The following STON2 variants were observed in gnomAD, a reference collection of about 807,000 sequenced individuals.
STON2 encodes the protein stonin 2.
Under a neutral mutation model 65.7 loss-of-function variants are expected in STON2, and 29 were observed. That is an observed-to-expected ratio of 0.44 (90% CI 0.33 to 0.60). The LOEUF is 0.60. STON2 is among the 20% of genes least tolerant of loss of function. STON2 has a pLI of 0.03. For missense variants in STON2, 1,054 were observed against 1,118.1 expected (o/e 0.94, Z 0.82); for synonymous variants, 404 against 414.2 (o/e 0.98, Z 0.30).
intron 5 of STON2, among the ~76,000 whole-genome samples, chr14:81,282,013 G>T (rs1484479799): frequency 6.6e-6 from 1 of 152,154 alleles, no homozygotes; most frequent in Admixed American, 6.5e-5. Flanking sequence ...CTGAAATTGA[G>T]ATTTTGTTTT....
chr14:81,433,733 G>C (rs1009053894), intron 1 of STON2, among the ~76,000 whole-genome samples: 5 of 152,324 alleles, frequency 3.3e-5, no homozygotes, highest in Middle Eastern at 6.8e-3. Context: ...GTCCCAGAGA[G>C]AAGCTGTTTC....
At position 81,278,031 on chromosome 14, in the gene STON2, C is replaced by T; in HGVS notation, c.1451G>A (p.Gly484Glu). The change falls in exon 6 of 8, where the codon GGG becomes GAG. Residue 484 changes from glycine (G) to glutamate (E), a missense_variant. Transcript: ENST00000614646. ...PGSARSQPRD[G>E]WPMMLRIPEK... ...AGGGATCCTCAACATCATTGGCCAC[C>T]CGTCACGAGGCTGGGACCGTGCTGA... 1 of 1,614,150 alleles carries T rather than the reference C, an allele frequency of 6.2e-7. No individual in the cohort carries two copies. The highest frequency in any genetic ancestry group is 1.3e-5 in the African/African-American group (1 of 75,030).
chr14:81,301,496 G>T (rs1025704309), intron 5 of STON2, among the ~76,000 whole-genome samples: 1 of 152,188 alleles, frequency 6.6e-6, no homozygotes, highest in African/African-American at 2.4e-5. Flanking sequence ...TATATAAAAA[G>T]TGCTGTGTGA....
At chr14:81,370,534 C>T (rs1898936592) in intron 4 of STON2, among the ~76,000 whole-genome samples, 1 of 152,208 alleles carries the variant, frequency 6.6e-6, no homozygotes, top group Non-Finnish European at 1.5e-5. Context: ...GTAGTCTGGA[C>T]ACAGTGGCTG....
chr14:81,334,701 TGGC>T (rs978231260), intron 4 of STON2, among the ~76,000 whole-genome samples: 1 of 152,130 alleles, frequency 6.6e-6, no homozygotes, highest in African/African-American at 2.4e-5. Context: ...AGAAAACTAC[TGGC>T]AATCCCAAGG....
In STON2 at chr14:81,261,883, G is replaced by T; in HGVS notation, c.*6531C>A. ...GATCCTCTTTTTAAATCTGTGTGTG[G>T]AAGGCAACTGCAATATAGAGGATTT... On this transcript the variant is annotated 3_prime_UTR_variant, in exon 8 of 8. Coordinates refer to ENST00000614646, the MANE Select transcript of STON2 (RefSeq NM_001394390.1). 1 of 1,532,596 alleles carries T rather than the reference G, an allele frequency of 6.5e-7. No individual in the cohort carries two copies. Among genetic ancestry groups the T allele is most frequent in the Non-Finnish European group, 8.7e-7 (1 of 1,146,076 alleles). The allele number at this position is 1,532,596 out of a possible 1,614,324, so 94.9% of individuals were successfully genotyped here.
chr14:81,280,872 G>A (rs559207134), intron 5 of STON2, among the ~76,000 whole-genome samples: 155 of 152,092 alleles, frequency 1.0e-3, no homozygotes, highest in African/African-American at 3.5e-3. Flanking sequence ...TTAGCTGGGC[G>A]TGGTGGCACA....
intron 5 of STON2, among the ~76,000 whole-genome samples, chr14:81,315,426 G>C (rs1896580394): frequency 6.6e-6 from 1 of 152,206 alleles, no homozygotes; most frequent in African/African-American, 2.4e-5. Context: ...TCTCCAAAAA[G>C]AAGCTGCTTT....
chr14:81,376,096 A>C (rs1019134038), intron 3 of STON2, among the ~76,000 whole-genome samples: 18 of 151,952 alleles, frequency 1.2e-4, no homozygotes, highest in Admixed American at 5.9e-4. Flanking sequence ...TTAGAAGACA[A>C]ATGAAACTTC....
Position 81,328,371 on chromosome 14 carries a change from C to A in STON2, c.572-4184G>T, listed in dbSNP as rs980227605. ...AATGGAAAAGGGCATGATTTGCTCC[C>A]AGGTTCAATTATCCCAGTCAGCTAT... On this transcript the variant is annotated intron_variant, in intron 4 of 7. Transcript: ENST00000614646. 1.7e-4 allele frequency among the ~76,000 whole-genome samples: 26 copies of A among 152,250 alleles called. 1 individual carries two copies. The highest frequency in any genetic ancestry group is 6.0e-4 in the African/African-American group (25 of 41,536).
intron 4 of STON2, among the ~76,000 whole-genome samples, chr14:81,332,356 C>T (rs1279175591): frequency 6.6e-6 from 1 of 152,194 alleles, no homozygotes; most frequent in Non-Finnish European, 1.5e-5. Context: ...AAATGACACA[C>T]AAGAAAGCAA....
At chr14:81,343,210 T>C (rs1481781392) in intron 4 of STON2, among the ~76,000 whole-genome samples, 2 of 152,128 alleles carry the variant, frequency 1.3e-5, no homozygotes, top group Admixed American at 1.3e-4. Flanking sequence ...AGAATTGGAT[T>C]GATATATGCC....
chr14:81,356,027 A>G (rs1898215386), intron 4 of STON2, among the ~76,000 whole-genome samples: 1 of 152,184 alleles, frequency 6.6e-6, no homozygotes, highest in Admixed American at 6.5e-5. Flanking sequence ...TGCCCTGGCC[A>G]GAACTTCCAA....
At chr14:81,394,008 T>A (rs956970689) in intron 3 of STON2, among the ~76,000 whole-genome samples, 4 of 152,274 alleles carry the variant, frequency 2.6e-5, no homozygotes, top group African/African-American at 9.6e-5. Flanking sequence ...CTGGCCAACA[T>A]GGCAAAATCC....
intron 5 of STON2, among the ~76,000 whole-genome samples, chr14:81,284,644 A>G (rs982159571): frequency 6.6e-6 from 1 of 152,252 alleles, no homozygotes; most frequent in Non-Finnish European, 1.5e-5. Flanking sequence ...TTTACCTAAT[A>G]TAATTGAGGA....
At chr14:81,413,671 C>T (rs1236133134) in intron 2 of STON2, among the ~76,000 whole-genome samples, 1 of 138,430 alleles carries the variant, frequency 7.2e-6, no homozygotes, top group Admixed American at 7.2e-5. Flanking sequence ...TGGCGTTTGT[C>T]TGTGATCCCA....
chr14:81,286,785 A>G (rs962479045), intron 5 of STON2, among the ~76,000 whole-genome samples: 18 of 152,194 alleles, frequency 1.2e-4, no homozygotes, highest in Admixed American at 6.5e-5. Flanking sequence ...TGGGGCTTGG[A>G]GAGATTTCAG....
intron 4 of STON2, among the ~76,000 whole-genome samples, chr14:81,325,632 A>AGGG (rs1418015476): frequency 6.6e-6 from 1 of 152,162 alleles, no homozygotes; most frequent in Admixed American, 6.5e-5. Context: ...ATATATGACT[A>AGGG]CCCTCTTAAA....
rs181496026 is a variant in STON2, at chr14:81,397,046, G to A, written c.89-868C>T. ...GCACTCCAGCCTGGGCAACAAGAGC[G>A]AAACTCCGTCTCAAAACAACAACAA... On this transcript the variant is annotated intron_variant, in intron 2 of 7. Transcript: ENST00000614646. Among the ~76,000 whole-genome samples the A allele has an allele frequency of 9.4e-3, 1,432 of 152,194 alleles. 17 individuals are homozygous for A. Among genetic ancestry groups the A allele is most frequent in the Non-Finnish European group, 0.014 (963 of 68,016 alleles).
Sources: allele counts gnomAD v4.1 joint callset (sites outside exome capture counted in the v4.1 genomes callset), GRCh38; gene constraint gnomAD v4.1.1; transcripts MANE v1.5; gene names NCBI Gene and HGNC (gene_info 2026-07-23, HGNC 2026-07-21).